The following RBFOX3 variants were observed in gnomAD, a reference collection of about 807,000 sequenced individuals.
The protein encoded by RBFOX3 is RNA binding fox-1 homolog 3.
Under a neutral mutation model 48.7 loss-of-function variants are expected in RBFOX3, and 17 were observed. That is an observed-to-expected ratio of 0.35 (90% CI 0.24 to 0.52). RBFOX3 has a LOEUF of 0.52. Ranked by LOEUF, RBFOX3 falls within the 20% of genes least tolerant of loss-of-function variation. RBFOX3 has a pLI of 0.94. For synonymous variants in RBFOX3, 212 were observed against 209.5 expected (o/e 1.01, Z -0.10); for missense variants, 382 against 497.5 (o/e 0.77, Z 2.21).
intron 2 of RBFOX3, among the ~76,000 whole-genome samples, chr17:79,431,487 ATTTT>A (rs10633689): frequency 8.2e-6 from 1 of 121,420 alleles, no homozygotes. Context: ...TGCCTGGCTA[ATTTT>A]TTTTTTTTTT....
At chr17:79,593,139 G>A (rs1340464182) in intron 1 of RBFOX3, among the ~76,000 whole-genome samples, 3 of 152,110 alleles carry the variant, frequency 2.0e-5, no homozygotes, top group Non-Finnish European at 2.9e-5. Context: ...CCCTAAGAGA[G>A]GAACATGTGT....
intron 1 of RBFOX3, among the ~76,000 whole-genome samples, chr17:79,573,814 G>T (rs909390026): frequency 2.6e-5 from 4 of 152,146 alleles, no homozygotes; most frequent in Non-Finnish European, 4.4e-5. Flanking sequence ...TCTGCCCGGT[G>T]GGGGGAGGGT....
chr17:79,522,559 T>G (rs1421283359), intron 1 of RBFOX3, among the ~76,000 whole-genome samples: 3 of 152,008 alleles, frequency 2.0e-5, no homozygotes, highest in African/African-American at 7.2e-5. Context: ...TTTAAAGTCC[T>G]CTCACCCGAC....
chr17:79,284,158 A>G (rs1036799046), intron 3 of RBFOX3, among the ~76,000 whole-genome samples: 3 of 151,936 alleles, frequency 2.0e-5, no homozygotes, highest in Admixed American at 6.6e-5. Flanking sequence ...CTGTTTCAGT[A>G]CTTATAAATG....
chr17:79,502,773 C>T (rs1353026517), intron 1 of RBFOX3, among the ~76,000 whole-genome samples: 2 of 152,190 alleles, frequency 1.3e-5, no homozygotes, highest in African/African-American at 4.8e-5. Flanking sequence ...TTCTGTTCCT[C>T]GGCACAGATC....
chr17:79,146,260 G>A (rs2043018613), intron 4 of RBFOX3, among the ~76,000 whole-genome samples: 1 of 152,188 alleles, frequency 6.6e-6, no homozygotes, highest in Admixed American at 6.5e-5. Flanking sequence ...AGCATCGAAT[G>A]CAGGGAGGCC....
At chr17:79,460,632 G>A (rs1555748178) in intron 2 of RBFOX3, among the ~76,000 whole-genome samples, 1 of 152,232 alleles carries the variant, frequency 6.6e-6, no homozygotes, top group African/African-American at 2.4e-5. Flanking sequence ...TTGAGAAGTG[G>A]GGCCTAACAA....
chr17:79,163,462 C>T (rs1276929099), intron 4 of RBFOX3, among the ~76,000 whole-genome samples: 9 of 152,238 alleles, frequency 5.9e-5, no homozygotes, highest in East Asian at 1.9e-4. Flanking sequence ...GTCCTTCTGA[C>T]GCTGCCCCAG....
intron 1 of RBFOX3, among the ~76,000 whole-genome samples, chr17:79,526,985 C>A (rs1340536951): frequency 6.6e-6 from 1 of 152,226 alleles, no homozygotes; most frequent in Admixed American, 6.5e-5. Flanking sequence ...TCACAAGTCA[C>A]CTGTCAGCCC....
chr17:79,415,532 C>G (rs1482807397), intron 2 of RBFOX3, among the ~76,000 whole-genome samples: 1 of 152,216 alleles, frequency 6.6e-6, no homozygotes, highest in Non-Finnish European at 1.5e-5. Flanking sequence ...GAGAGAAACT[C>G]CCTCCTCTGG....
At chr17:79,592,301 C>T (rs1255718748) in intron 1 of RBFOX3, among the ~76,000 whole-genome samples, 3 of 150,206 alleles carry the variant, frequency 2.0e-5, no homozygotes, top group African/African-American at 7.4e-5. Flanking sequence ...GTTGTGTGTG[C>T]ACATATGCAT....
At chr17:79,310,396 C>T (rs1214606268) in intron 2 of RBFOX3, among the ~76,000 whole-genome samples, 2 of 152,098 alleles carry the variant, frequency 1.3e-5, no homozygotes, top group Non-Finnish European at 2.9e-5. Context: ...CAGACCAGGG[C>T]GAGACCTCCT....
chr17:79,109,025 C>A (rs528028078), intron 5 of RBFOX3, among the ~76,000 whole-genome samples: 1 of 152,276 alleles, frequency 6.6e-6, no homozygotes, highest in Non-Finnish European at 1.5e-5. Flanking sequence ...CCTGGGCATG[C>A]GCTGCAGGAC....
At chr17:79,636,426 T>C in the RBFOX3 span, among the ~76,000 whole-genome samples, 1 of 152,152 alleles carries the variant, frequency 6.6e-6, no homozygotes, top group Non-Finnish European at 1.5e-5. Flanking sequence ...TTTTTTAACT[T>C]TTCTATACTG....
intron 14 of RBFOX3, among the ~76,000 whole-genome samples, chr17:79,093,030 G>C (rs2074283803): frequency 6.6e-6 from 1 of 152,224 alleles, no homozygotes; most frequent in Admixed American, 6.5e-5. Context: ...AGAGCACTGA[G>C]GGACCTCCTG....
chr17:79,264,626 C>T (rs2066368915), intron 3 of RBFOX3, among the ~76,000 whole-genome samples: 1 of 152,166 alleles, frequency 6.6e-6, no homozygotes, highest in Non-Finnish European at 1.5e-5. Flanking sequence ...CATCCACGTG[C>T]TCTGGTCTGG....
chr17:79,568,514 A>G (rs958404477), intron 1 of RBFOX3, among the ~76,000 whole-genome samples: 1 of 152,206 alleles, frequency 6.6e-6, no homozygotes, highest in African/African-American at 2.4e-5. Context: ...ACCATTTCAG[A>G]TAAGGGATAT....
chr17:79,338,634 G>A (rs778811907), intron 2 of RBFOX3, among the ~76,000 whole-genome samples: 31 of 152,072 alleles, frequency 2.0e-4, no homozygotes, highest in Non-Finnish European at 8.8e-5. Flanking sequence ...TTAAGGGGTC[G>A]ACATACATCC....
Position 79,097,329 on chromosome 17 carries a change from C to A in RBFOX3, c.718G>T (p.Ala240Ser). 2.6e-6 allele frequency: 4 copies of A among 1,546,922 alleles called. No homozygotes were observed. The highest frequency in any genetic ancestry group is 2.6e-6 in the Non-Finnish European group (3 of 1,144,834). ...RGRAVYNTFR[A>S]APPPPPIPTY... The stretch of plus-strand genomic sequence containing the variant: ...GGGATGGGGGGTGGGGGTGGCGCAG[C>A]CCGAAATGTATTATACACGGCCCGG... The change falls in exon 11 of 15, where the codon GCT (alanine) becomes TCT (serine). Residue 240 changes from alanine (A) to serine (S), a missense_variant. Ala to Ser is a moderately conservative substitution (Grantham distance 99). This residue lies in a region of RBFOX3 where 215 missense variants were observed against 254.8 expected (regional missense o/e 0.84). Transcript: ENST00000693108.
Sources: allele counts gnomAD v4.1 joint callset (sites outside exome capture counted in the v4.1 genomes callset), GRCh38; gene constraint gnomAD v4.1.1; regional missense constraint gnomAD v4.1.1; transcripts MANE v1.5; gene names NCBI Gene and HGNC (gene_info 2026-07-23, HGNC 2026-07-21).